The following TMC2 variants were observed in gnomAD, a reference collection of about 807,000 sequenced individuals.
TMC2 encodes transmembrane channel like 2, also known as transmembrane channel-like protein 2.
TMC2 carries 102 observed loss-of-function variants against 105.9 expected under a neutral mutation model. That is an observed-to-expected ratio of 0.96 (90% confidence interval 0.82 to 1.14). The LOEUF (loss-of-function observed/expected upper bound fraction) is 1.14. TMC2 is among the 50% of genes most tolerant of loss of function. TMC2 has a pLI of 0.00. For synonymous variants in TMC2, 402 were observed against 422.8 expected, an observed-to-expected ratio of 0.95 and a Z score of 0.60; for missense variants, 1,093 against 1,134.3, an observed-to-expected ratio of 0.96 and a Z score of 0.52.
At chr20:2,619,046 A>C (rs1280756781) in intron 16 of TMC2, among the ~76,000 whole-genome samples, 1 of 152,156 alleles carries the variant, frequency 6.6e-6, no homozygotes, top group Non-Finnish European at 1.5e-5. Flanking sequence ...GCCTCACTCT[A>C]GTCCCAACCC....
At chr20:2,634,659 A>G (rs2146269215) in intron 17 of TMC2, among the ~76,000 whole-genome samples, 1 of 152,200 alleles carries the variant, frequency 6.6e-6, no homozygotes, top group South Asian at 2.1e-4. Flanking sequence ...TTTATCCACC[A>G]TTTGCTGGGT....
At chr20:2,585,076 G>A (rs2086223098) in intron 7 of TMC2, among the ~76,000 whole-genome samples, 1 of 152,118 alleles carries the variant, frequency 6.6e-6, no homozygotes, top group African/African-American at 2.4e-5. Flanking sequence ...TATGTAGTAT[G>A]CAGTTTTATT....
chr20:2,620,508 T>C (rs2086517197), intron 16 of TMC2, among the ~76,000 whole-genome samples: 1 of 152,312 alleles, frequency 6.6e-6, no homozygotes, highest in African/African-American at 2.4e-5. Context: ...GAAAAGATCA[T>C]GTGGGACTCT....
chr20:2,540,424 G>T (rs964602745), intron 2 of TMC2, among the ~76,000 whole-genome samples: 7 of 152,024 alleles, frequency 4.6e-5, no homozygotes, highest in Non-Finnish European at 1.0e-4. Context: ...ACTTTGGGAG[G>T]CTGAGGTGGG....
In TMC2 at chr20:2,642,556, G is replaced by C. The variant is rs532816194; in HGVS notation, c.*1205G>C. 1.3e-5 allele frequency among the ~76,000 whole-genome samples: 2 copies of C among 152,318 alleles called. No homozygotes were observed. The highest frequency in any genetic ancestry group is 1.9e-4 in the East Asian group (1 of 5,190). ...TTTTGCAAAAGGTACAATGCAGAGC[G>C]TTGTCTCTGGGGATTCTATGTTCAC... On this transcript the variant is annotated 3_prime_UTR_variant, in exon 20 of 20. Transcript: ENST00000358864.
intron 8 of TMC2, among the ~76,000 whole-genome samples, chr20:2,594,570 C>T (rs2086291759): frequency 6.6e-6 from 1 of 152,154 alleles, no homozygotes; most frequent in Non-Finnish European, 1.5e-5. Flanking sequence ...ACACTCTCTT[C>T]TCCCTCCCAT....
At chr20:2,586,090 C>A (rs61084127) in intron 7 of TMC2, among the ~76,000 whole-genome samples, 2 of 152,120 alleles carry the variant, frequency 1.3e-5, no homozygotes, top group East Asian at 3.9e-4. Flanking sequence ...AGAATACACT[C>A]GCCCCTCCTC....
Position 2,628,333 on chromosome 20 carries a change from TTC to T in TMC2, c.2306+3941_2306+3942del, listed in dbSNP as rs1286533693. Among the ~76,000 whole-genome samples the T allele has an allele frequency of 2.6e-5, 4 of 152,222 alleles. No individual in the cohort carries two copies. The East Asian group carries it at 7.7e-4, about 29-fold the overall frequency. On this transcript the variant is annotated intron_variant, in intron 17 of 19. Coordinates refer to ENST00000358864, the MANE Select transcript of TMC2 (RefSeq NM_080751.3). Reference sequence around the variant, plus strand: ...TCTTATTAAATGTATTCCTCTGCATTTCTCTTTTTGTTATGATAAATTAGGAT... The same window carrying T: ...TCTTATTAAATGTATTCCTCTGCATTTCTTTTTGTTATGATAAATTAGGAT...
intron 7 of TMC2, among the ~76,000 whole-genome samples, chr20:2,586,221 G>T (rs1158846270): frequency 6.6e-6 from 1 of 152,148 alleles, no homozygotes; most frequent in Non-Finnish European, 1.5e-5. Flanking sequence ...ACAACTCCTT[G>T]AGTTCAGTTC....
At position 2,610,609 on chromosome 20, in the gene TMC2, C is replaced by G; in HGVS notation, c.1593+11C>G. On this transcript the variant is annotated intron_variant, in intron 12 of 19. Transcript: ENST00000358864. Reference sequence around the variant, plus strand: ...GACGTCCACCTCAAGGTAAAAACCACAACACCCCCCACCCCACTGCAATTC... The same window carrying G: ...GACGTCCACCTCAAGGTAAAAACCAGAACACCCCCCACCCCACTGCAATTC... 6.4e-7 allele frequency: 1 copy of G among 1,556,682 alleles called. No homozygotes were observed. Among genetic ancestry groups the G allele is most frequent in the Non-Finnish European group, 8.7e-7 (1 of 1,146,150 alleles).
intron 14 of TMC2, chr20:2,613,804 G>T: frequency 4.3e-6 from 1 of 231,626 alleles, no homozygotes; most frequent in Non-Finnish European, 8.6e-6. Context: ...CCACCTACCT[G>T]GTAAATGTGT....
At chr20:2,565,903 G>A (rs1489150892) in intron 4 of TMC2, among the ~76,000 whole-genome samples, 1 of 152,146 alleles carries the variant, frequency 6.6e-6, no homozygotes, top group East Asian at 1.9e-4. Flanking sequence ...AGCCGGGCGT[G>A]GTGGTGTGTG....
At chr20:2,540,442 C>G (rs1224341320) in intron 2 of TMC2, among the ~76,000 whole-genome samples, 3 of 151,812 alleles carry the variant, frequency 2.0e-5, no homozygotes, top group Non-Finnish European at 2.9e-5. Flanking sequence ...GGGGAGATCA[C>G]TTAAGGTCAA....
At chr20:2,567,070 G>A (rs993168220) in intron 4 of TMC2, among the ~76,000 whole-genome samples, 1 of 152,218 alleles carries the variant, frequency 6.6e-6, no homozygotes, top group Non-Finnish European at 1.5e-5. Context: ...CCCTAACCAG[G>A]GTGTGCCAGA....
intron 2 of TMC2, 36 bp downstream of exon 2, chr20:2,537,352 AGTGCCTGG>A: frequency 6.4e-7 from 1 of 1,555,828 alleles, no homozygotes; most frequent in African/African-American, 1.4e-5. Context: ...GGGAGCCTGC[AGTGCCTGG>A]GTGCCCTCTG....
intron 10 of TMC2, among the ~76,000 whole-genome samples, chr20:2,599,987 G>T (rs982302147): frequency 6.6e-6 from 1 of 152,150 alleles, no homozygotes; most frequent in African/African-American, 2.4e-5. Flanking sequence ...CCTAGAGCCC[G>T]GTGGGCTTTG....
At chr20:2,626,823 G>A (rs1367567301) in intron 17 of TMC2, among the ~76,000 whole-genome samples, 2 of 152,148 alleles carry the variant, frequency 1.3e-5, no homozygotes, top group Non-Finnish European at 2.9e-5. Context: ...GAACGAAGTA[G>A]GACGAACACA....
At chr20:2,596,038 TAA>T (rs2086303769) in intron 9 of TMC2, among the ~76,000 whole-genome samples, 1 of 152,272 alleles carries the variant, frequency 6.6e-6, no homozygotes, top group East Asian at 1.9e-4. Flanking sequence ...TCACCCCAGA[TAA>T]GTATAGAAAT....
chr20:2,557,911 C>T (rs1187041885), intron 2 of TMC2, among the ~76,000 whole-genome samples: 2 of 152,186 alleles, frequency 1.3e-5, no homozygotes, highest in East Asian at 3.8e-4. Context: ...TTAGCCATTG[C>T]AAGGTTTGTG....
Sources: gnomAD v4.1 joint callset for allele counts (sites outside exome capture counted in the v4.1 genomes callset) on GRCh38, gnomAD v4.1.1 for gene constraint, MANE v1.5 for transcripts, NCBI Gene and HGNC (gene_info 2026-07-23, HGNC 2026-07-21) for gene names.